Variants in PREX2 observed in about 807,000 individuals in gnomAD.
PREX2 encodes the protein phosphatidylinositol 3,4,5-trisphosphate-dependent Rac exchanger 2 protein.
A neutral mutation model predicts 203.2 loss-of-function variants in PREX2; 107 were observed. The observed-to-expected ratio is 0.53, with a 90% CI of 0.45 to 0.62. The LOEUF (loss-of-function observed/expected upper bound fraction) is 0.62. PREX2 is among the 20% of genes least tolerant of loss of function. PREX2 has a pLI of 0.00. For missense variants in PREX2, 1,777 were observed against 1,955.9 expected (o/e 0.91, Z 1.72); for synonymous variants, 672 against 663.6 (o/e 1.01, Z -0.19).
At position 68,099,675 on chromosome 8, in the gene PREX2, A is replaced by T; in HGVS notation, c.2554-7A>T. ...GTGTGGGTGTGCGTGTGTGTTTGTC[A>T]TTGCAGATTCTTGAAGCCCTGGCTA... On this transcript the variant is annotated splice_region_variant and splice_polypyrimidine_tract_variant and intron_variant, in intron 22 of 39. Transcript: ENST00000288368. 1 of 1,612,326 alleles carries T rather than the reference A, an allele frequency of 6.2e-7. No homozygotes were observed.
intron 1 of PREX2, among the ~76,000 whole-genome samples, chr8:68,015,742 G>A (rs1307508036): frequency 6.6e-6 from 1 of 152,118 alleles, no homozygotes; most frequent in African/African-American, 2.4e-5. Flanking sequence ...TTTGCGATGA[G>A]TATGTGGAAA....
intron 18 of PREX2, among the ~76,000 whole-genome samples, chr8:68,086,117 CA>C (rs1386674818): frequency 2.6e-5 from 4 of 152,118 alleles, no homozygotes; most frequent in Non-Finnish European, 2.9e-5. Flanking sequence ...CCCTGTACAC[CA>C]AAAACTGTTT....
At chr8:68,134,021 A>G (rs1563560117) in intron 31 of PREX2, 38 bp from the exon 32 acceptor site, 3 of 1,559,720 alleles carry the variant, frequency 1.9e-6, no homozygotes, top group African/African-American at 2.7e-5. Context: ...CATCTGCAAC[A>G]TTTTTCGAAG....
chr8:68,095,132 G>A (rs1489824046), intron 21 of PREX2: 1 of 152,144 alleles, frequency 6.6e-6, no homozygotes, highest in African/African-American at 2.4e-5. Context: ...CAGACACGTG[G>A]GTGTGTTCAC....
Position 68,146,212 on chromosome 8 carries a change from T to G in PREX2, c.4091T>G (p.Val1364Gly). The G allele has an allele frequency of 1.9e-6, 3 of 1,602,050 alleles. No homozygotes were observed. The highest frequency in any genetic ancestry group is 2.6e-6 in the Non-Finnish European group (3 of 1,171,818). The change falls in exon 34 of 40, where the codon GTT becomes GGT. Residue 1364 changes from valine to glycine, a missense_variant. By Grantham distance (109) the Val-to-Gly change is moderately radical. Transcript: ENST00000288368. ...ATACTATTAAATATCATTTTAGATGTTCCTCTTACATATCAAGCAGAAGGA... is the reference window on the plus strand; with the variant it reads ...ATACTATTAAATATCATTTTAGATGGTCCTCTTACATATCAAGCAGAAGGA... ...PSEEEPLVAN[V>G]PLTYQAEGSR...
At chr8:68,034,192 T>C (rs1291157596) in intron 6 of PREX2, among the ~76,000 whole-genome samples, 2 of 152,188 alleles carry the variant, frequency 1.3e-5, no homozygotes, top group African/African-American at 4.8e-5. Flanking sequence ...TGCCTTTTAT[T>C]AGTATAATTT....
intron 1 of PREX2, among the ~76,000 whole-genome samples, chr8:67,977,451 C>T (rs1806141650): frequency 6.6e-6 from 1 of 152,128 alleles, no homozygotes; most frequent in African/African-American, 2.4e-5. Context: ...GTTAAACACA[C>T]CTGTCGTGAT....
At chr8:68,142,902 C>T (rs903913993) in intron 33 of PREX2, among the ~76,000 whole-genome samples, 7 of 152,062 alleles carry the variant, frequency 4.6e-5, no homozygotes, top group Non-Finnish European at 7.4e-5. Context: ...CTGCATTTTT[C>T]CCTCCAGTGA....
intron 6 of PREX2, among the ~76,000 whole-genome samples, chr8:68,037,111 A>G (rs1010214694): frequency 2.6e-5 from 4 of 152,190 alleles, no homozygotes; most frequent in Non-Finnish European, 5.9e-5. Context: ...CAGAGAAACT[A>G]TTATCAGTGA....
chr8:68,102,968 T>C (rs776216237), intron 23 of PREX2: 1 of 516,462 alleles, frequency 1.9e-6, no homozygotes, highest in Non-Finnish European at 3.9e-6. Flanking sequence ...GAACACTTTC[T>C]CCTTAAATTG....
At position 68,051,500 on chromosome 8, in the gene PREX2, G is replaced by T. The variant is rs778095046; in HGVS notation, c.944-1597G>T. Among the ~76,000 whole-genome samples the T allele has an allele frequency of 6.6e-5, 10 of 152,148 alleles. No homozygotes were observed. In the East Asian group the frequency reaches 1.4e-3, roughly 21 times the overall value. ...TAGGTTACAAGTGGTTAGGGTTGGG[G>T]GAAGAGTTTTAAACGTGTAGAATTT... is the stretch of plus-strand genomic sequence containing the variant. On this transcript the variant is annotated intron_variant, in intron 8 of 39. Coordinates refer to ENST00000288368, the MANE Select transcript of PREX2 (RefSeq NM_024870.4).
Position 67,952,467 on chromosome 8 carries a change from G to A in PREX2, c.73G>A (p.Val25Met), listed in dbSNP as rs1290202322. 6 of 1,603,404 alleles carry A rather than the reference G, an allele frequency of 3.7e-6. No individual in the cohort carries two copies. The highest frequency in any genetic ancestry group is 2.7e-5 in the African/African-American group (2 of 74,622). Residue 25 changes from valine to methionine, a missense_variant, in exon 1 of 40, where the codon GTG (valine) becomes ATG (methionine). Coordinates refer to ENST00000288368, the MANE Select transcript of PREX2 (RefSeq NM_024870.4). ...KDLEKQLRLR[V>M]CVLSELQKTE... ...CCTGGAGAAGCAGCTTCGCCTGCGC[G>A]TGTGCGTGCTCAGCGAGCTCCAGAA...
In PREX2 at chr8:68,228,943, TTAAAA is replaced by T. The variant is rs1813109160; in HGVS notation, c.4776-2389_4776-2385del. On this transcript the variant is annotated intron_variant, in intron 39 of 39. Transcript: ENST00000288368. ...GGAGACAGAGTGAGACCTTGTCTCT[TTAAAA>T]AAAAAAAAAAAAAAAAAAAGAAAGA... 4.4e-5 allele frequency among the ~76,000 whole-genome samples: 5 copies of T among 113,860 alleles called. No homozygotes were observed. In the Admixed American group the frequency reaches 5.1e-4, roughly 12 times the overall value. The allele number at this position is 113,860 out of a possible 152,430, so 74.7% of individuals were successfully genotyped here.
At chr8:68,127,310 A>G in intron 30 of PREX2, 68 bp from the exon 31 acceptor site, 1 of 1,219,718 alleles carries the variant, frequency 8.2e-7, no homozygotes, top group Non-Finnish European at 1.2e-6. Flanking sequence ...TTTTGACTAC[A>G]CAGTTAAAAT....
chr8:68,097,116 A>G lies in PREX2; in HGVS notation c.2468A>G (p.Tyr823Cys). 6.2e-7 allele frequency: 1 copy of G among 1,613,698 alleles called. No homozygotes were observed. The highest frequency in any genetic ancestry group is 8.5e-7 in the Non-Finnish European group (1 of 1,179,614). Residue 823 changes from tyrosine (Y) to cysteine (C), a missense_variant, in exon 22 of 40, where the codon TAT (tyrosine) becomes TGT (cysteine). Physicochemically the swap from Tyr to Cys is radical, Grantham distance 194. Coordinates refer to ENST00000288368, the MANE Select transcript of PREX2 (RefSeq NM_024870.4). ...GTCCACCTGGAATATGGTGTCGTGT[A>G]TGAGTACGACAGCACAGCTGGCATC... ...DNVHLEYGVV[Y>C]EYDSTAGIKC...
rs183760876 is a variant in PREX2, at chr8:68,069,735, T to C, written c.1444-100T>C. ...AAATTGGTTTAGATTTTGTGATGAT[T>C]CTAAAATATTGACAGTGAATTAATT... On this transcript the variant is annotated intron_variant, in intron 12 of 39. Transcript: ENST00000288368. The C allele has an allele frequency of 7.5e-3, 4,444 of 591,824 alleles. 32 individuals carry two copies. Among genetic ancestry groups the C allele is most frequent in the Non-Finnish European group, 0.011 (3,528 of 327,302 alleles). The allele number at this position is 591,824 out of a possible 1,614,324, so 36.7% of individuals were successfully genotyped here. A position where few individuals can be genotyped will look rare whatever the true frequency, so the allele number is the denominator to read the frequency against.
At position 68,115,738 on chromosome 8, in the gene PREX2, A is replaced by T; in HGVS notation, c.3147-15A>T. 1.3e-6 allele frequency: 2 copies of T among 1,576,924 alleles called. No homozygotes were observed. The highest frequency in any genetic ancestry group is 3.7e-5 in the Admixed American group (2 of 53,736). Reference sequence around the variant, plus strand: ...AGTTTGAAAATGTGCATTTTTTTTTAATATTACATTGCAGCCTTCTGTCTT... The same window carrying T: ...AGTTTGAAAATGTGCATTTTTTTTTTATATTACATTGCAGCCTTCTGTCTT... On this transcript the variant is annotated splice_polypyrimidine_tract_variant and intron_variant, in intron 25 of 39. Transcript: ENST00000288368.
In PREX2 at chr8:68,133,163, G is replaced by T. The variant is rs142140740; in HGVS notation, c.3767-896G>T. The stretch of plus-strand genomic sequence containing the variant: ...GCAAGAGAGAGCAGAGAGCGTGTGT[G>T]TCAGAACACAGGAAAAACTGCCATG... On this transcript the variant is annotated intron_variant, in intron 31 of 39. Transcript: ENST00000288368. Among the ~76,000 whole-genome samples, 949 of 152,248 alleles carry T rather than the reference G, an allele frequency of 6.2e-3. 12 individuals carry two copies. Among genetic ancestry groups the T allele is most frequent in the African/African-American group, 0.021 (890 of 41,542 alleles).
intron 1 of PREX2, among the ~76,000 whole-genome samples, chr8:67,963,299 A>G (rs921442310): frequency 1.3e-5 from 2 of 152,188 alleles, no homozygotes; most frequent in Non-Finnish European, 2.9e-5. Flanking sequence ...TGGAAGGTAC[A>G]TGTTCAGGGT....
Sources: gnomAD v4.1 joint callset for allele counts (sites outside exome capture counted in the v4.1 genomes callset) on GRCh38, gnomAD v4.1.1 for gene constraint, MANE v1.5 for transcripts, NCBI Gene and HGNC (gene_info 2026-07-23, HGNC 2026-07-21) for gene names.